SAMD4B: variants seen among roughly 807,000 people sequenced by gnomAD.
The protein encoded by SAMD4B is protein Smaug homolog 2.
SAMD4B carries 5 observed loss-of-function variants against 74.5 expected under a neutral mutation model. The ratio of observed to expected loss-of-function variants is 0.07; its 90% CI spans 0.04 to 0.14. SAMD4B has a LOEUF of 0.14. Ranked by LOEUF, SAMD4B falls within the 10% of genes least tolerant of loss-of-function variation. The pLI, the probability that SAMD4B is intolerant of heterozygous loss-of-function variation, is 1.00. For synonymous variants in SAMD4B, 373 were observed against 374.9 expected (o/e 1.00, Z 0.06); for missense variants, 608 against 921.8 (o/e 0.66, Z 4.41).
In SAMD4B at chr19:39,377,866, A is replaced by G. The variant is rs752201509; in HGVS notation, c.1444+42A>G. On this transcript the variant is annotated intron_variant, in intron 8 of 13. Coordinates refer to ENST00000610417, the MANE Select transcript of SAMD4B (RefSeq NM_001384574.2). ...CCTAGCAGGAAATCCTGAGGCAGAAAGCCAAGTGAACCCAAGCACCAGGGA... is the reference window on the plus strand; with the variant it reads ...CCTAGCAGGAAATCCTGAGGCAGAAGGCCAAGTGAACCCAAGCACCAGGGA... 9.1e-6 allele frequency: 14 copies of G among 1,530,914 alleles called. No homozygotes were observed. The South Asian group carries it at 1.5e-4, about 16-fold the overall frequency. The allele number at this position is 1,530,914 out of a possible 1,614,324, so 94.8% of individuals were successfully genotyped here. A position where few individuals can be genotyped will look rare whatever the true frequency, so the allele number is the denominator to read the frequency against.
chr19:39,343,292 T>C (rs2075442355), intron 1 of SAMD4B, among the ~76,000 whole-genome samples: 1 of 151,538 alleles, frequency 6.6e-6, no homozygotes, highest in African/African-American at 2.4e-5. Context: ...CTTGGAGATT[T>C]TCCGCTCATA....
chr19:39,377,474 C>T lies in SAMD4B; in HGVS notation c.1105-11C>T, dbSNP rs373935500. 3.1e-5 allele frequency: 48 copies of T among 1,549,850 alleles called. No individual in the cohort carries two copies. The highest frequency in any genetic ancestry group is 4.0e-5 in the Non-Finnish European group (46 of 1,142,426). ...TCTGCATGTGACCCCAGCCTGTGTC[C>T]TCCCATCCAGGATGTGCTGGAAGGC... On this transcript the variant is annotated splice_polypyrimidine_tract_variant and intron_variant, in intron 7 of 13. Coordinates refer to ENST00000610417, the MANE Select transcript of SAMD4B (RefSeq NM_001384574.2).
chr19:39,346,842 C>A (rs1366784411), intron 1 of SAMD4B, among the ~76,000 whole-genome samples: 2 of 152,134 alleles, frequency 1.3e-5, no homozygotes, highest in African/African-American at 4.8e-5. Context: ...CTTCCCTGGT[C>A]TTTTAGTTTC....
At chr19:39,379,834 G>A in intron 9 of SAMD4B, 132 bp from the exon 10 acceptor site, 1 of 702,964 alleles carries the variant, frequency 1.4e-6, no homozygotes, top group Non-Finnish European at 2.4e-6. Flanking sequence ...GCCTCCCAAA[G>A]TGCTGGGATT....
Position 39,375,536 on chromosome 19 carries a change from T to C in SAMD4B, c.668-114T>C. The C allele has an allele frequency of 7.3e-7, 1 of 1,378,906 alleles. No homozygotes were observed. The highest frequency in any genetic ancestry group is 2.1e-5 in the Admixed American group (1 of 47,126). The allele number at this position is 1,378,906 out of a possible 1,614,324, so 85.4% of individuals were successfully genotyped here. ...AGTTACCCTTGGACCCCAGGTCCCT[T>C]CCTCTTGGCAGGTTATGGGGCCAAA... On this transcript the variant is annotated intron_variant, in intron 4 of 13. Coordinates refer to ENST00000610417, the MANE Select transcript of SAMD4B (RefSeq NM_001384574.2). This position sits in a 1 kb window ranked among gnomAD's most constrained non-coding sequence, Gnocchi z 4.1.
At chr19:39,374,781 C>T (rs2077507576) in intron 4 of SAMD4B, among the ~76,000 whole-genome samples, 1 of 152,164 alleles carries the variant, frequency 6.6e-6, no homozygotes, top group Admixed American at 6.5e-5. Context: ...GCAGAGGTTG[C>T]AGTGAGCCCA....
chr19:39,383,923 C>T lies in SAMD4B; in HGVS notation c.*396C>T. On this transcript the variant is annotated 3_prime_UTR_variant, in exon 14 of 14. Transcript: ENST00000610417. This position sits in a 1 kb window ranked among gnomAD's most constrained non-coding sequence, Gnocchi z 4.1. ...TGACCACTACCTTGTGGAGCCTGCT[C>T]AGAAACATTTGACATTTGGGGTGAC... The T allele has an allele frequency of 5.2e-6, 3 of 576,424 alleles. No individual in the cohort carries two copies. Among genetic ancestry groups the T allele is most frequent in the South Asian group, 2.3e-5 (1 of 44,078 alleles). 35.7% of individuals were successfully genotyped at this position (576,424 alleles called of 1,614,324 possible).
downstream of SAMD4B, chr19:39,385,913 G>A (rs939549523): frequency 1.3e-6 from 2 of 1,575,152 alleles, no homozygotes; most frequent in African/African-American, 1.3e-5. Flanking sequence ...CAAGTGAAAG[G>A]CTCACAAACA....
Position 39,381,121 on chromosome 19 carries a change from GC to G in SAMD4B, c.1972+12del. 2 of 1,593,382 alleles carry G rather than the reference GC, an allele frequency of 1.3e-6. No individual in the cohort carries two copies. On this transcript the variant is annotated intron_variant, in intron 12 of 13. Transcript: ENST00000610417. The stretch of plus-strand genomic sequence containing the variant: ...TTCTCATGTTCCCTCCAGGTGAGGT[GC>G]CCCACCCTTGGGACTCTGCCTGGCC...
Position 39,384,028 on chromosome 19 carries a change from C to G in SAMD4B, c.*501C>G, listed in dbSNP as rs1410711503. 1 of 400,180 alleles carries G rather than the reference C, an allele frequency of 2.5e-6. No individual in the cohort carries two copies. Among genetic ancestry groups the G allele is most frequent in the Admixed American group, 4.0e-5 (1 of 24,876 alleles). 24.8% of individuals were successfully genotyped at this position (400,180 alleles called of 1,614,324 possible). On this transcript the variant is annotated 3_prime_UTR_variant, in exon 14 of 14. Coordinates refer to ENST00000610417, the MANE Select transcript of SAMD4B (RefSeq NM_001384574.2). ...GGAAGGGGAGCAAGGAGAGGAAGCTCTCTCTCCTCTCCCTGCTTCCCCTTC... is the reference window on the plus strand; with the variant it reads ...GGAAGGGGAGCAAGGAGAGGAAGCTGTCTCTCCTCTCCCTGCTTCCCCTTC...
At chr19:39,349,989 G>C (rs984503082) in intron 1 of SAMD4B, 1 of 152,200 alleles carries the variant, frequency 6.6e-6, no homozygotes, top group Non-Finnish European at 1.5e-5. Context: ...ACAGTCTTGG[G>C]CAAAGTGACT....
At chr19:39,388,297 A>C (rs1012601919), downstream of SAMD4B, 5 of 1,610,652 alleles carry the variant, frequency 3.1e-6, no homozygotes, top group Admixed American at 3.3e-5. Context: ...GGGTCTTAAG[A>C]AGCACAGATC....
chr19:39,365,242 T>TAAAAAA (rs57136164), intron 3 of SAMD4B, among the ~76,000 whole-genome samples: 1 of 90,886 alleles, frequency 1.1e-5, no homozygotes, highest in South Asian at 3.3e-4. Context: ...CGAGACTCCG[T>TAAAAAA]AAAAAAAAAA....
At chr19:39,348,453 A>T (rs1020358018) in intron 1 of SAMD4B, 3 of 152,264 alleles carry the variant, frequency 2.0e-5, no homozygotes, top group East Asian at 3.8e-4. Flanking sequence ...AGAGCATTTC[A>T]GGCAGAGAGG....
chr19:39,377,489 T>G lies in SAMD4B; in HGVS notation c.1109T>G (p.Val370Gly), dbSNP rs1355721324. 1 of 1,561,322 alleles carries G rather than the reference T, an allele frequency of 6.4e-7. No individual in the cohort carries two copies. ...AGCCTGTGTCCTCCCATCCAGGATG[T>G]GCTGGAAGGCGGGAACCTACGAAAC... ...QSVLKSLEKD[V>G]LEGGNLRNAL... The change falls in exon 8 of 14, where the codon GTG (valine) becomes GGG (glycine). Residue 370 changes from valine (V) to glycine (G), a missense_variant. By Grantham distance (109) the Val-to-Gly change is moderately radical (BLOSUM62 -3). This residue lies in a region of SAMD4B where 39 missense variants were observed against 125.3 expected (regional missense o/e 0.31). Coordinates refer to ENST00000610417, the MANE Select transcript of SAMD4B (RefSeq NM_001384574.2).
Position 39,353,752 on chromosome 19 carries a change from C to T in SAMD4B, c.-266-254C>T, listed in dbSNP as rs543423518. On this transcript the variant is annotated intron_variant, in intron 1 of 13. Transcript: ENST00000610417. ...AAGTAGCTCGGACTACAGGCGCCCG[C>T]CACCACACCCGGCTAATTTTTATAT... Among the ~76,000 whole-genome samples, 29 of 152,240 alleles carry T rather than the reference C, an allele frequency of 1.9e-4. No homozygotes were observed. The East Asian group carries it at 5.2e-3, about 27-fold the overall frequency.
chr19:39,343,203 C>A (rs1048386675), intron 1 of SAMD4B, among the ~76,000 whole-genome samples: 8 of 151,928 alleles, frequency 5.3e-5, no homozygotes, highest in African/African-American at 1.9e-4. Context: ...CTGCCTCTCA[C>A]AGCCCAACAG....
At position 39,378,415 on chromosome 19, in the gene SAMD4B, TC is replaced by T; in HGVS notation, c.1445-87del. On this transcript the variant is annotated intron_variant, in intron 8 of 13. Transcript: ENST00000610417. The surrounding 1 kb of genome is among the most constrained non-coding windows in gnomAD (Gnocchi z 4.4). The stretch of plus-strand genomic sequence containing the variant: ...TATTCATCCAGCCTGAGTCTCCTGT[TC>T]CTTCTTGTGCACGAGCCAGCTGGAG... 8.8e-7 allele frequency: 1 copy of T among 1,135,264 alleles called. No homozygotes were observed. The highest frequency in any genetic ancestry group is 1.3e-6 in the Non-Finnish European group (1 of 753,242). 70.3% of individuals were successfully genotyped at this position (1,135,264 alleles called of 1,614,324 possible).
chr19:39,390,724 A>G, the SAMD4B span: 1 of 1,323,544 alleles, frequency 7.6e-7, no homozygotes. Context: ...GCGCTTCATG[A>G]CGTCACGGGC....
Sources: allele counts gnomAD v4.1 joint callset (sites outside exome capture counted in the v4.1 genomes callset), GRCh38; gene constraint gnomAD v4.1.1; regional missense constraint gnomAD v4.1.1; non-coding constraint Gnocchi (gnomAD v3.1); transcripts MANE v1.5; gene names NCBI Gene and HGNC (gene_info 2026-07-23, HGNC 2026-07-21).